GARNL3: variants seen among roughly 807,000 people sequenced by gnomAD.
The protein encoded by GARNL3 is GTPase activating Rap/RanGAP domain like 3, also known as GTPase-activating Rap/Ran-GAP domain-like protein 3.
GARNL3 carries 63 observed loss-of-function variants against 125.0 expected under a neutral mutation model. The observed-to-expected ratio is 0.50, with a 90% CI of 0.41 to 0.62. The LOEUF is 0.62. GARNL3 is among the 20% of genes least tolerant of loss of function. GARNL3 has a pLI of 0.00. For missense variants in GARNL3, 994 were observed against 1,244.0 expected, an observed-to-expected ratio of 0.80 and a Z score of 3.02; for synonymous variants, 439 against 457.5, an observed-to-expected ratio of 0.96 and a Z score of 0.52.
At chr9:127,365,253 G>A in intron 21 of GARNL3, 47 bp from the exon 22 acceptor site, 1 of 1,496,480 alleles carries the variant, frequency 6.7e-7, no homozygotes, top group South Asian at 1.1e-5. Context: ...TCTTTTCACA[G>A]GGTCAGCATC....
intron 22 of GARNL3, among the ~76,000 whole-genome samples, chr9:127,369,886 G>A (rs1004306437): frequency 2.0e-5 from 3 of 152,190 alleles, no homozygotes; most frequent in African/African-American, 7.2e-5. Flanking sequence ...CAGGGAGAGG[G>A]GGAGAATTGC....
At chr9:127,347,280 G>A (rs1443189246) in intron 16 of GARNL3, among the ~76,000 whole-genome samples, 1 of 151,960 alleles carries the variant, frequency 6.6e-6, no homozygotes, top group Non-Finnish European at 1.5e-5. Flanking sequence ...AAATTAGCCG[G>A]GCATGGTGGC....
chr9:127,250,535 TGATATTTTGGGG>T (rs1443257199), intron 2 of GARNL3, among the ~76,000 whole-genome samples: 13 of 152,130 alleles, frequency 8.5e-5, no homozygotes, highest in Non-Finnish European at 1.8e-4. Flanking sequence ...TAGGGGCACA[TGATATTTTGGGG>T]GCTGCTGGGG....
At chr9:127,306,635 G>A (rs2064962656) in intron 2 of GARNL3, among the ~76,000 whole-genome samples, 1 of 152,002 alleles carries the variant, frequency 6.6e-6, no homozygotes, top group African/African-American at 2.4e-5. Flanking sequence ...GCTGAGGCAG[G>A]AGAATGGCGT....
In GARNL3 at chr9:127,336,246, G is replaced by A; in HGVS notation, c.982+10G>A. On this transcript the variant is annotated intron_variant, in intron 11 of 27. Transcript: ENST00000373387. The stretch of plus-strand genomic sequence containing the variant: ...CGCTCCCACTTTACACGTATCCTGG[G>A]CCTTTGTAAATGCTCCAGTGTGGCA... 1 of 1,594,050 alleles carries A rather than the reference G, an allele frequency of 6.3e-7. No homozygotes were observed.
chr9:127,232,136 T>C (rs2063029770), intron 1 of GARNL3, among the ~76,000 whole-genome samples: 1 of 152,178 alleles, frequency 6.6e-6, no homozygotes, highest in Admixed American at 6.5e-5. Flanking sequence ...GCTTGCCTCA[T>C]TATTCTTGCC....
At chr9:127,314,188 T>C (rs2065170821) in intron 4 of GARNL3, among the ~76,000 whole-genome samples, 3 of 152,172 alleles carry the variant, frequency 2.0e-5, no homozygotes. Flanking sequence ...AAGCTCTCCA[T>C]CCCTTCCTGG....
chr9:127,246,931 CTT>C (rs35410163), intron 2 of GARNL3, among the ~76,000 whole-genome samples: 135 of 99,244 alleles, frequency 1.4e-3, no homozygotes, highest in African/African-American at 4.9e-3. Context: ...GACCTTCCTT[CTT>C]TTTTTTTTTT....
At chr9:127,347,211 G>T (rs1830185821) in intron 16 of GARNL3, among the ~76,000 whole-genome samples, 1 of 152,100 alleles carries the variant, frequency 6.6e-6, no homozygotes, top group Admixed American at 6.5e-5. Flanking sequence ...CTTGAGCCCA[G>T]GATTGGAGAC....
chr9:127,388,726 A>G, intron 25 of GARNL3, 178 bp from the exon 26 acceptor site: 1 of 597,884 alleles, frequency 1.7e-6, no homozygotes, highest in East Asian at 2.8e-5. Context: ...AGAAAACGCA[A>G]AGCCATCAGG....
At chr9:127,357,517 T>A in intron 21 of GARNL3, 140 bp downstream of exon 21, 1 of 802,522 alleles carries the variant, frequency 1.2e-6, no homozygotes, top group Non-Finnish European at 1.9e-6. Context: ...ATTCACTATT[T>A]AGACTGAGCC....
chr9:127,267,884 G>A (rs2063737233), intron 1 of GARNL3, among the ~76,000 whole-genome samples: 1 of 152,172 alleles, frequency 6.6e-6, no homozygotes, highest in Non-Finnish European at 1.5e-5. Context: ...TGAAATTTTA[G>A]CATGAACTTC....
At chr9:127,229,385 G>A (rs184466570) in intron 1 of GARNL3, among the ~76,000 whole-genome samples, 3 of 152,188 alleles carry the variant, frequency 2.0e-5, no homozygotes, top group Non-Finnish European at 4.4e-5. Context: ...AAGCTCTGCA[G>A]GTGCTTCAGA....
chr9:127,307,201 T>A (rs1222673295), intron 2 of GARNL3, among the ~76,000 whole-genome samples: 1 of 152,240 alleles, frequency 6.6e-6, no homozygotes, highest in Non-Finnish European at 1.5e-5. Context: ...CTGTGCTGAA[T>A]TCTTTTAGAA....
chr9:127,338,423 ATCT>A (rs1829672675), intron 12 of GARNL3, among the ~76,000 whole-genome samples: 1 of 152,128 alleles, frequency 6.6e-6, no homozygotes, highest in Non-Finnish European at 1.5e-5. Context: ...GATATATTTG[ATCT>A]TCATCCTTTC....
chr9:127,391,110 C>A lies in GARNL3; in HGVS notation c.2870+343C>A, dbSNP rs556387307. Among the ~76,000 whole-genome samples the A allele has an allele frequency of 9.4e-4, 143 of 152,006 alleles. 1 individual carries two copies. Among genetic ancestry groups the A allele is most frequent in the African/African-American group, 3.3e-3 (136 of 41,480 alleles). ...GACTAGGCTGGCCAACACGGTGAAA[C>A]CCCATCTCTACTAAAAATACAAAAA... On this transcript the variant is annotated intron_variant, in intron 27 of 27. Coordinates refer to ENST00000373387, the MANE Select transcript of GARNL3 (RefSeq NM_032293.5).
At chr9:127,353,520 T>C (rs904596944) in intron 17 of GARNL3, 3 of 223,516 alleles carry the variant, frequency 1.3e-5, no homozygotes, top group Non-Finnish European at 2.6e-5. Context: ...AGGCCTTTGG[T>C]ACAACCCTAG....
rs2063668942 is a variant in GARNL3, at chr9:127,264,872, T to C, written c.-6T>C. 2 of 1,572,910 alleles carry C rather than the reference T, an allele frequency of 1.3e-6. No homozygotes were observed. Among genetic ancestry groups the C allele is most frequent in the Admixed American group, 1.8e-5 (1 of 56,762 alleles). On this transcript the variant is annotated 5_prime_UTR_variant, in exon 1 of 28. Transcript: ENST00000373387. Reference sequence around the variant, plus strand: ...CAAGTCTGTTCCATAGCAGCCCTTTTTGCAAATGGTAGTTGATTTTTGCAG... The same window carrying C: ...CAAGTCTGTTCCATAGCAGCCCTTTCTGCAAATGGTAGTTGATTTTTGCAG...
intron 1 of GARNL3, chr9:127,225,456 G>T (rs970450805): frequency 4.0e-6 from 3 of 749,258 alleles, no homozygotes; most frequent in Non-Finnish European, 4.9e-6. Flanking sequence ...CACGTGGGGG[G>T]ATGGCGATGT....
Sources: gnomAD v4.1 joint callset for allele counts (sites outside exome capture counted in the v4.1 genomes callset) on GRCh38, gnomAD v4.1.1 for gene constraint, MANE v1.5 for transcripts, NCBI Gene and HGNC (gene_info 2026-07-23, HGNC 2026-07-21) for gene names.